Variants in HDAC3 observed in about 807,000 individuals in gnomAD.
HDAC3 encodes SMAP45.
HDAC3 carries 21 observed loss-of-function variants against 62.3 expected under a neutral mutation model. That is an observed-to-expected ratio of 0.34 (90% CI 0.24 to 0.49). HDAC3 has a LOEUF of 0.49. HDAC3 is among the 20% of genes least tolerant of loss of function. HDAC3 has a pLI of 0.99. For synonymous variants in HDAC3, 198 were observed against 206.5 expected, an observed-to-expected ratio of 0.96 and a Z score of 0.35; for missense variants, 270 against 556.9, an observed-to-expected ratio of 0.48 and a Z score of 5.19.
At chr5:141,624,420 C>T (rs56221992) in intron 14 of HDAC3, among the ~76,000 whole-genome samples, 9,783 of 130,214 alleles carry the variant, frequency 0.075, 376 homozygotes, top group South Asian at 0.13. Context: ...AGCCAGGTGT[C>T]GTGGTGCACA....
Position 141,626,364 on chromosome 5 carries a change from G to C in HDAC3, c.831-81C>G, listed in dbSNP as rs1026244328. The C allele has an allele frequency of 5.1e-6, 5 of 981,922 alleles. No individual in the cohort carries two copies. Among genetic ancestry groups the C allele is most frequent in the Non-Finnish European group, 8.0e-6 (5 of 624,304 alleles). 60.8% of individuals were successfully genotyped at this position (981,922 alleles called of 1,614,324 possible). On this transcript the variant is annotated intron_variant, in intron 10 of 14. Transcript: ENST00000305264. The surrounding 1 kb of genome is among the most constrained non-coding windows in gnomAD (Gnocchi z 4.6). ...TACCTTTAGGTATTGCCTGAAAGGA[G>C]CACAAGAAAACTATAAATGTTCTAA...
At chr5:141,623,128 A>G (rs754035211) in intron 14 of HDAC3, among the ~76,000 whole-genome samples, 3 of 152,170 alleles carry the variant, frequency 2.0e-5, no homozygotes, top group East Asian at 1.9e-4. Context: ...CGTCTCAAAA[A>G]AAAGAAAGAA....
intron 3 of HDAC3, among the ~76,000 whole-genome samples, chr5:141,632,954 C>T (rs184601051): frequency 5.3e-5 from 8 of 152,258 alleles, no homozygotes; most frequent in South Asian, 2.1e-4. Flanking sequence ...TTTAAAAACC[C>T]GGGATCTGGA....
chr5:141,633,894 T>G (rs943772704), intron 3 of HDAC3, among the ~76,000 whole-genome samples: 1 of 150,762 alleles, frequency 6.6e-6, no homozygotes, highest in East Asian at 1.9e-4. Context: ...GATGGACGTA[T>G]GGGAGGTCAC....
Position 141,627,899 on chromosome 5 carries a change from C to T in HDAC3, c.824G>A (p.Gly275Glu). ...RLGCFNLSIR[G>E]HGECVEYVKS... is the part of the protein sequence containing the mutation. Reference sequence around the variant, plus strand: ...GAAGGAGAGCAAGTCTCACCCATGCCCTCGGATGCTGAGGTTAAAGCAGCC... The same window carrying T: ...GAAGGAGAGCAAGTCTCACCCATGCTCTCGGATGCTGAGGTTAAAGCAGCC... Residue 275 changes from glycine to glutamate, a missense_variant, in exon 10 of 15, where the codon GGG becomes GAG. Physicochemically the swap from Gly to Glu is moderately conservative, Grantham distance 98 (BLOSUM62 -2). Around this residue, in one of 5 missense-constraint regions of HDAC3, gnomAD observed 156 missense variants for 383.9 expected, o/e 0.41. Transcript: ENST00000305264. 1 of 1,614,072 alleles carries T rather than the reference C, an allele frequency of 6.2e-7. No individual in the cohort carries two copies. The highest frequency in any genetic ancestry group is 8.5e-7 in the Non-Finnish European group (1 of 1,179,966).
At position 141,636,289 on chromosome 5, in the gene HDAC3, C is replaced by G. The variant is rs1237758504; in HGVS notation, c.138+259G>C. On this transcript the variant is annotated intron_variant, in intron 2 of 14. Transcript: ENST00000305264. The stretch of plus-strand genomic sequence containing the variant: ...ACACCTTCTGTCTTCAAACCAGCCC[C>G]ACATCACGCTAACCCTAGGCCAAGG... 11 of 535,130 alleles carry G rather than the reference C, an allele frequency of 2.1e-5. No individual in the cohort carries two copies. The Admixed American group carries it at 3.4e-4, about 17-fold the overall frequency. 33.1% of individuals were successfully genotyped at this position (535,130 alleles called of 1,614,324 possible).
In HDAC3 at chr5:141,628,212, C is replaced by G; in HGVS notation, c.692-25G>C. The stretch of plus-strand genomic sequence containing the variant: ...CCTGGGAGAGGGCCAAAGATGGGCA[C>G]CTGGCACCCCAAGGGGATGGGGAGA... On this transcript the variant is annotated intron_variant, in intron 8 of 14. Coordinates refer to ENST00000305264, the MANE Select transcript of HDAC3 (RefSeq NM_003883.4). The surrounding 1 kb of genome is among the most constrained non-coding windows in gnomAD (Gnocchi z 4.7). The G allele has an allele frequency of 6.2e-7, 1 of 1,601,184 alleles. No homozygotes were observed. The highest frequency in any genetic ancestry group is 1.1e-5 in the South Asian group (1 of 90,842).
At position 141,634,562 on chromosome 5, in the gene HDAC3, C is replaced by T. The variant is rs113287797; in HGVS notation, c.281+249G>A. Among the ~76,000 whole-genome samples the T allele has an allele frequency of 1.2e-3, 181 of 152,352 alleles. 1 individual carries two copies. Among genetic ancestry groups the T allele is most frequent in the Non-Finnish European group, 2.0e-3 (137 of 68,032 alleles). On this transcript the variant is annotated intron_variant, in intron 3 of 14. Transcript: ENST00000305264. ...ACTCTCATAATCTGTCATACACCTC[C>T]TCTTTATAAGACTTAGCAAAAATAC...
rs1484450097 is a variant in HDAC3 at position 141,629,566 on chromosome 5, A to G, written c.476+118T>C. The G allele has an allele frequency of 4.6e-6, 5 of 1,076,440 alleles. No homozygotes were observed. The highest frequency in any genetic ancestry group is 5.5e-6 in the Non-Finnish European group (4 of 721,240). 66.7% of individuals were successfully genotyped at this position (1,076,440 alleles called of 1,614,324 possible). On this transcript the variant is annotated intron_variant, in intron 6 of 14. Transcript: ENST00000305264. This position sits in a 1 kb window ranked among gnomAD's most constrained non-coding sequence, Gnocchi z 5.3. ...GTGGAAGAGGCAGCCTGAATAAAGCATCAAGAACTTGGGAGAAGCTAATCA... is the reference window on the plus strand; with the variant it reads ...GTGGAAGAGGCAGCCTGAATAAAGCGTCAAGAACTTGGGAGAAGCTAATCA...
rs1389533774 is a variant in HDAC3 at position 141,634,921 on chromosome 5, G to A, written c.171C>T (p.Asp57=). The A allele has an allele frequency of 1.2e-6, 2 of 1,614,130 alleles. No homozygotes were observed. The highest frequency in any genetic ancestry group is 1.7e-6 in the Non-Finnish European group (2 of 1,180,024). ...VFKPYQASQH[D]MCRFHSEDYI... Reference sequence around the variant, plus strand: ...AGTCCTCGGAGTGGAAGCGGCACATGTCATGTTGGGAGGCCTGGTATGGCT... The same window carrying A: ...AGTCCTCGGAGTGGAAGCGGCACATATCATGTTGGGAGGCCTGGTATGGCT... The change falls in exon 3 of 15, where the codon GAC becomes GAT. Residue 57 remains aspartate, a synonymous_variant. Transcript: ENST00000305264.
At position 141,625,857 on chromosome 5, in the gene HDAC3, T is replaced by C. The variant is rs1224671092; in HGVS notation, c.980-93A>G. The C allele has an allele frequency of 1.5e-6, 2 of 1,339,892 alleles. No individual in the cohort carries two copies. Among genetic ancestry groups the C allele is most frequent in the African/African-American group, 1.4e-5 (1 of 69,548 alleles). 83.0% of individuals were successfully genotyped at this position (1,339,892 alleles called of 1,614,324 possible). A position where few individuals can be genotyped will look rare whatever the true frequency, so the allele number is the denominator to read the frequency against. Reference sequence around the variant, plus strand: ...TTCCTTCCCATCCAGAGCACCTACATAATAGCTGCCCAATCTCTTCCCTGC... The same window carrying C: ...TTCCTTCCCATCCAGAGCACCTACACAATAGCTGCCCAATCTCTTCCCTGC... On this transcript the variant is annotated intron_variant, in intron 12 of 14. Coordinates refer to ENST00000305264, the MANE Select transcript of HDAC3 (RefSeq NM_003883.4). The surrounding 1 kb of genome is among the most constrained non-coding windows in gnomAD (Gnocchi z 4.0).
intron 2 of HDAC3, 41 bp from the exon 3 acceptor site, chr5:141,634,994 C>A: frequency 6.2e-7 from 1 of 1,606,614 alleles, no homozygotes; most frequent in Non-Finnish European, 8.5e-7. Context: ...CAGGGTCAGC[C>A]CCACTCCACA....
intron 10 of HDAC3, among the ~76,000 whole-genome samples, chr5:141,627,262 A>G (rs978560158): frequency 5.3e-5 from 8 of 152,146 alleles, no homozygotes; most frequent in Non-Finnish European, 1.0e-4. Context: ...TATTTTCTGT[A>G]GAGATGGCTC....
At position 141,626,220 on chromosome 5, in the gene HDAC3, A is replaced by G. The variant is rs770814204; in HGVS notation, c.894T>C (p.Tyr298=). 17 of 1,614,056 alleles carry G rather than the reference A, an allele frequency of 1.1e-5. No individual in the cohort carries two copies. In the East Asian group the frequency reaches 3.3e-4, roughly 32 times the overall value. The stretch of plus-strand genomic sequence containing the variant: ...AGCAGCGGGCAACATTTCGGACAGT[A>G]TAACCACCACCACCCAGCACGAGTA... ...IPLLVLGGGG[Y]TVRNVARCWT... Residue 298 remains tyrosine (Y), a synonymous_variant, in exon 11 of 15, where the codon TAT becomes TAC. Transcript: ENST00000305264. This position sits in a 1 kb window ranked among gnomAD's most constrained non-coding sequence, Gnocchi z 4.6.
intron 2 of HDAC3, 40 bp from the exon 3 acceptor site, chr5:141,634,993 C>T (rs2099905749): frequency 6.2e-7 from 1 of 1,606,206 alleles, no homozygotes; most frequent in African/African-American, 1.3e-5. Context: ...GCAGGGTCAG[C>T]CCCACTCCAC....
chr5:141,625,882 CTCTG>C lies in HDAC3; in HGVS notation c.980-122_980-119del. ...TAATAGCTGCCCAATCTCTTCCCTG[CTCTG>C]AGCCCAGGGGTTTAGTCTGCAGAGC... is the stretch of plus-strand genomic sequence containing the variant. On this transcript the variant is annotated intron_variant, in intron 12 of 14. Transcript: ENST00000305264. This position sits in a 1 kb window ranked among gnomAD's most constrained non-coding sequence, Gnocchi z 4.0. 2.3e-6 allele frequency: 3 copies of C among 1,290,982 alleles called. No individual in the cohort carries two copies. The highest frequency in any genetic ancestry group is 1.8e-4 in the Middle Eastern group (1 of 5,452). The allele number at this position is 1,290,982 out of a possible 1,614,324, so 80.0% of individuals were successfully genotyped here. A position where few individuals can be genotyped will look rare whatever the true frequency, so the allele number is the denominator to read the frequency against.
intron 3 of HDAC3, among the ~76,000 whole-genome samples, chr5:141,633,564 G>A (rs879509181): frequency 5.3e-5 from 8 of 152,054 alleles, no homozygotes; most frequent in Admixed American, 6.6e-5. Flanking sequence ...GATGGCTCAC[G>A]TCTGTAATCC....
intron 2 of HDAC3, 98 bp from the exon 3 acceptor site, chr5:141,635,051 C>G (rs2099905755): frequency 7.7e-6 from 9 of 1,175,366 alleles, no homozygotes; most frequent in Non-Finnish European, 1.1e-5. Flanking sequence ...CTATATGAAG[C>G]CAAACATAGC....
chr5:141,627,500 C>A (rs1209480720), intron 10 of HDAC3, among the ~76,000 whole-genome samples: 1 of 152,160 alleles, frequency 6.6e-6, no homozygotes, highest in Non-Finnish European at 1.5e-5. Flanking sequence ...AAAAACTTTC[C>A]GAAACCATGC....
Sources: allele counts gnomAD v4.1 joint callset (sites outside exome capture counted in the v4.1 genomes callset), GRCh38; gene constraint gnomAD v4.1.1; regional missense constraint gnomAD v4.1.1; non-coding constraint Gnocchi (gnomAD v3.1); transcripts MANE v1.5; gene names NCBI Gene and HGNC (gene_info 2026-07-23, HGNC 2026-07-21).